The following COLEC10 variants were observed in gnomAD, a reference collection of about 807,000 sequenced individuals.
COLEC10 encodes the protein collectin-10.
A neutral mutation model predicts 28.4 loss-of-function variants in COLEC10; 22 were observed. The observed-to-expected ratio is 0.78, with a 90% CI of 0.55 to 1.11. COLEC10 has a LOEUF of 1.11. COLEC10 is among the 50% of genes least tolerant of loss of function. COLEC10 has a pLI of 0.00. For missense variants in COLEC10, 361 were observed against 344.1 expected (o/e 1.05, Z -0.39); for synonymous variants, 125 against 116.1 (o/e 1.08, Z -0.49).
chr8:118,982,220 C>T, the COLEC10 span, among the ~76,000 whole-genome samples: 1 of 152,028 alleles, frequency 6.6e-6, no homozygotes, highest in Non-Finnish European at 1.5e-5. Flanking sequence ...TTCCCTTTCA[C>T]TTTAATGCTA....
intron 1 of COLEC10, among the ~76,000 whole-genome samples, chr8:119,072,285 C>A (rs562221639): frequency 6.6e-6 from 1 of 152,318 alleles, no homozygotes; most frequent in South Asian, 2.1e-4. Flanking sequence ...TAGCTGAGCA[C>A]ACATTGAGTA....
intron 2 of COLEC10, among the ~76,000 whole-genome samples, chr8:119,010,738 T>C (rs1032279036): frequency 2.0e-4 from 30 of 151,152 alleles, no homozygotes; most frequent in Admixed American, 2.0e-3. Context: ...TTAATTTCCA[T>C]TTATTTGATG....
At chr8:118,999,264 G>C (rs1163296666) in intron 1 of COLEC10, among the ~76,000 whole-genome samples, 1 of 152,046 alleles carries the variant, frequency 6.6e-6, no homozygotes, top group Non-Finnish European at 1.5e-5. Context: ...CTAGTGAATG[G>C]GAAATGGCTG....
chr8:119,066,029 A>C (rs1814949167), upstream of COLEC10, among the ~76,000 whole-genome samples: 1 of 152,092 alleles, frequency 6.6e-6, no homozygotes. Context: ...TAAGCCACTC[A>C]GTTTGTGGTG....
chr8:119,104,446 CAT>C (rs1374535035), intron 5 of COLEC10, among the ~76,000 whole-genome samples: 2 of 152,082 alleles, frequency 1.3e-5, no homozygotes, highest in African/African-American at 4.8e-5. Flanking sequence ...ACAATACAAA[CAT>C]AATGTGTTTA....
chr8:119,094,896 T>C (rs1815679039), intron 3 of COLEC10, among the ~76,000 whole-genome samples: 1 of 152,082 alleles, frequency 6.6e-6, no homozygotes, highest in Non-Finnish European at 1.5e-5. Context: ...AAAATGATAC[T>C]CCATAATAAA....
chr8:118,989,534 T>TACACACACACAC, the COLEC10 span, among the ~76,000 whole-genome samples: 44 of 128,724 alleles, frequency 3.4e-4, no homozygotes, highest in African/African-American at 8.8e-4. Context: ...ACAGACAAAA[T>TACACACACACAC]ACACACACAC....
At chr8:118,975,522 A>G in the COLEC10 span, among the ~76,000 whole-genome samples, 2 of 152,046 alleles carry the variant, frequency 1.3e-5, no homozygotes, top group Non-Finnish European at 2.9e-5. Flanking sequence ...ATTGGAAATG[A>G]GTCAAATGAA....
intron 1 of COLEC10, among the ~76,000 whole-genome samples, chr8:119,076,970 C>T (rs902583405): frequency 6.6e-6 from 1 of 152,130 alleles, no homozygotes; most frequent in African/African-American, 2.4e-5. Flanking sequence ...CTTTGATACA[C>T]CATAAAGGAA....
intron 3 of COLEC10, among the ~76,000 whole-genome samples, chr8:119,097,690 G>A (rs1815747873): frequency 6.6e-6 from 1 of 151,830 alleles, no homozygotes; most frequent in African/African-American, 2.4e-5. Context: ...TTAAACCACT[G>A]GTTAAAGACA....
rs1815964578 is a variant in COLEC10, at chr8:119,107,104, A to G, written c.*913A>G. The stretch of plus-strand genomic sequence containing the variant: ...TCACCTTAGGCATAGGGAATGAGGG[A>G]AGGAGTTTGTGAAGCCTTAAGAAAA... On this transcript the variant is annotated 3_prime_UTR_variant, in exon 6 of 6. Coordinates refer to ENST00000332843, the MANE Select transcript of COLEC10 (RefSeq NM_006438.5). 6.6e-6 allele frequency among the ~76,000 whole-genome samples: 1 copy of G among 152,176 alleles called. No homozygotes were observed. The highest frequency in any genetic ancestry group is 1.5e-5 in the Non-Finnish European group (1 of 68,032).
At chr8:119,060,536 A>G (rs1244093511) in intron 2 of COLEC10, among the ~76,000 whole-genome samples, 3 of 152,168 alleles carry the variant, frequency 2.0e-5, no homozygotes, top group African/African-American at 7.2e-5. Flanking sequence ...ATCTAGGGAT[A>G]TCAGCCATAG....
At chr8:119,097,159 G>T (rs1329415471) in intron 3 of COLEC10, among the ~76,000 whole-genome samples, 1 of 152,066 alleles carries the variant, frequency 6.6e-6, no homozygotes, top group African/African-American at 2.4e-5. Flanking sequence ...TGACACAAAA[G>T]TGGCTTCTTG....
chr8:119,091,165 G>T lies in COLEC10; in HGVS notation c.237G>T (p.Leu79=), dbSNP rs746287624. Residue 79 remains leucine (L), a synonymous_variant, in exon 3 of 6, where the codon CTG becomes CTT. Coordinates refer to ENST00000332843, the MANE Select transcript of COLEC10 (RefSeq NM_006438.5). ...RMGPKGIKGE[L]GDMGDQGNIG... ...GCTTTTCAGGAATTAAAGGAGAACT[G>T]GGTGATATGGGAGATCAGGGCAATA... The T allele has an allele frequency of 1.2e-6, 2 of 1,612,848 alleles. No homozygotes were observed. Among genetic ancestry groups the T allele is most frequent in the Middle Eastern group, 1.7e-4 (1 of 6,052 alleles).
the COLEC10 span, among the ~76,000 whole-genome samples, chr8:118,978,012 G>A: frequency 6.8e-4 from 104 of 151,964 alleles, no homozygotes; most frequent in African/African-American, 2.5e-3. Flanking sequence ...ATAGAAAGAC[G>A]TAAGAACTAG....
chr8:119,047,070 C>T (rs1359916747), intron 2 of COLEC10, among the ~76,000 whole-genome samples: 4 of 152,174 alleles, frequency 2.6e-5, no homozygotes, highest in Admixed American at 6.5e-5. Context: ...TTAAGTAATT[C>T]AGCACTTCTA....
chr8:119,033,707 T>A (rs1399303773), intron 2 of COLEC10, among the ~76,000 whole-genome samples: 2 of 152,128 alleles, frequency 1.3e-5, no homozygotes, highest in South Asian at 4.1e-4. Context: ...TTCATGCCAG[T>A]TAGAATGGTG....
intron 3 of COLEC10, among the ~76,000 whole-genome samples, chr8:119,100,971 T>C (rs1422590338): frequency 2.0e-5 from 3 of 152,162 alleles, no homozygotes; most frequent in Admixed American, 2.0e-4. Context: ...GCATGCCTTC[T>C]TCTGAATGAT....
At chr8:118,971,317 T>G in the COLEC10 span, among the ~76,000 whole-genome samples, 1 of 151,992 alleles carries the variant, frequency 6.6e-6, no homozygotes, top group African/African-American at 2.4e-5. Context: ...GTTTCTATGC[T>G]GAAAGTCATA....
Sources: allele counts gnomAD v4.1 joint callset (sites outside exome capture counted in the v4.1 genomes callset), GRCh38; gene constraint gnomAD v4.1.1; transcripts MANE v1.5; gene names NCBI Gene and HGNC (gene_info 2026-07-23, HGNC 2026-07-21).